The following JMJD1C variants were observed in gnomAD, a reference collection of about 807,000 sequenced individuals.
JMJD1C encodes the protein jumonji domain containing 1C.
Under a neutral mutation model 245.3 loss-of-function variants are expected in JMJD1C, and 31 were observed. That is an observed-to-expected ratio of 0.13 (90% CI 0.09 to 0.17). The LOEUF (loss-of-function observed/expected upper bound fraction) is 0.17, where lower values mean the gene tolerates loss of function less well. Ranked by LOEUF, JMJD1C falls within the 10% of genes least tolerant of loss-of-function variation. The pLI, the probability that JMJD1C is intolerant of heterozygous loss-of-function variation, is 1.00. For synonymous variants in JMJD1C, 1,057 were observed against 1,017.4 expected (o/e 1.04, Z -0.74); for missense variants, 2,691 against 3,000.2 (o/e 0.90, Z 2.41).
intron 2 of JMJD1C, among the ~76,000 whole-genome samples, chr10:63,279,462 T>A (rs539109134): frequency 6.6e-6 from 1 of 152,216 alleles, no homozygotes; most frequent in East Asian, 1.9e-4. Context: ...ACTACTCAAG[T>A]AGAATGTACA....
chr10:63,347,814 G>A (rs1016361806), intron 2 of JMJD1C, among the ~76,000 whole-genome samples: 1 of 151,660 alleles, frequency 6.6e-6, no homozygotes, highest in African/African-American at 2.4e-5. Flanking sequence ...CTCCGGCGGC[G>A]GAGGCAGGAG....
At chr10:63,303,751 A>C (rs758711329) in intron 2 of JMJD1C, among the ~76,000 whole-genome samples, 10 of 152,202 alleles carry the variant, frequency 6.6e-5, no homozygotes, top group Non-Finnish European at 1.2e-4. Flanking sequence ...ATAGCATACA[A>C]ACTATTTGGA....
chr10:63,244,816 A>C (rs1302806257), intron 3 of JMJD1C, among the ~76,000 whole-genome samples: 1 of 97,658 alleles, frequency 1.0e-5, no homozygotes, highest in Non-Finnish European at 1.9e-5. Context: ...CTTAAAAAAA[A>C]AGGGGGGGGG....
intron 24 of JMJD1C, among the ~76,000 whole-genome samples, chr10:63,171,449 TC>T (rs1163228105): frequency 6.6e-6 from 1 of 152,232 alleles, no homozygotes. Flanking sequence ...GACAGCCCAC[TC>T]TTCTCAGTTT....
In JMJD1C at chr10:63,391,240, G is replaced by A. The variant is rs138683037; in HGVS notation, c.169-10758C>T. The stretch of plus-strand genomic sequence containing the variant: ...CATATCAAGAAGGTGGCCAGGCGTG[G>A]TGGCTGATGCCTGTAATCCCAGCAC... On this transcript the variant is annotated intron_variant, in intron 1 of 25. Transcript: ENST00000399262. Among the ~76,000 whole-genome samples, 488 of 152,306 alleles carry A rather than the reference G, an allele frequency of 3.2e-3. 2 individuals are homozygous for A. Among genetic ancestry groups the A allele is most frequent in the African/African-American group, 0.011 (473 of 41,548 alleles).
chr10:63,203,311 C>T lies in JMJD1C; in HGVS notation c.5075-2634G>A, dbSNP rs536413836. On this transcript the variant is annotated intron_variant, in intron 10 of 25. Coordinates refer to ENST00000399262, the MANE Select transcript of JMJD1C (RefSeq NM_032776.3). ...AAAACCTAGAAGTTTGAGATTAAGA[C>T]ACTTAGTCAACAAAAAAATACCTAA... The T allele has an allele frequency of 1.5e-5, 15 of 982,724 alleles. No individual in the cohort carries two copies. The African/African-American group carries it at 1.9e-4, about 13-fold the overall frequency. 60.9% of individuals were successfully genotyped at this position (982,724 alleles called of 1,614,324 possible). A position where few individuals can be genotyped will look rare whatever the true frequency, so the allele number is the denominator to read the frequency against.
At chr10:63,401,646 C>A (rs1445123147) in intron 1 of JMJD1C, among the ~76,000 whole-genome samples, 1 of 152,142 alleles carries the variant, frequency 6.6e-6, no homozygotes, top group African/African-American at 2.4e-5. Flanking sequence ...ACCACGTACA[C>A]TTGAAAAGAG....
chr10:63,396,030 T>A (rs932485392), intron 1 of JMJD1C, among the ~76,000 whole-genome samples: 3 of 152,186 alleles, frequency 2.0e-5, no homozygotes, highest in African/African-American at 7.2e-5. Flanking sequence ...AAGACTGCAT[T>A]TGTCCTAATT....
At chr10:63,304,266 A>G (rs1937691171) in intron 2 of JMJD1C, among the ~76,000 whole-genome samples, 1 of 152,232 alleles carries the variant, frequency 6.6e-6, no homozygotes, top group African/African-American at 2.4e-5. Context: ...CAGAAATGCA[A>G]GCAAAATAAC....
At chr10:63,173,611 ACTC>A in intron 24 of JMJD1C, among the ~76,000 whole-genome samples, 1 of 152,256 alleles carries the variant, frequency 6.6e-6, no homozygotes, top group East Asian at 1.9e-4. Context: ...AGTACTAGCT[ACTC>A]AGGAGGGTGT....
chr10:63,495,168 G>A (rs1954316592), intron 1 of JMJD1C, among the ~76,000 whole-genome samples: 1 of 151,638 alleles, frequency 6.6e-6, no homozygotes, highest in Non-Finnish European at 1.5e-5. Context: ...AAAGAATGTG[G>A]TCTCTACATA....
chr10:63,192,742 C>A (rs1844985762), intron 16 of JMJD1C, among the ~76,000 whole-genome samples, 196 bp downstream of exon 16: 2 of 151,888 alleles, frequency 1.3e-5, no homozygotes, highest in South Asian at 4.1e-4. Flanking sequence ...AAAACAAAAA[C>A]AACAAAAAAA....
chr10:63,354,957 A>G (rs1944709110), intron 2 of JMJD1C, among the ~76,000 whole-genome samples: 1 of 151,884 alleles, frequency 6.6e-6, no homozygotes, highest in African/African-American at 2.4e-5. Flanking sequence ...TAGGGAGTGG[A>G]AGTTGCAGTG....
At position 63,214,070 on chromosome 10, in the gene JMJD1C, T is replaced by C. The variant is rs1172230193; in HGVS notation, c.2097A>G (p.Thr699=). The change falls in exon 8 of 26, where the codon ACA becomes ACG. Residue 699 remains threonine, a synonymous_variant. Coordinates refer to ENST00000399262, the MANE Select transcript of JMJD1C (RefSeq NM_032776.3). ...TTTTATCAATGATAAGAGGACTCTTTGTAGTTTCTAATGTACTGCTTCGAG... is the reference window on the plus strand; with the variant it reads ...TTTTATCAATGATAAGAGGACTCTTCGTAGTTTCTAATGTACTGCTTCGAG... The part of the protein sequence containing the change: ...IPTRSSTLET[T]KSPLIIDKNE... 5 of 1,614,152 alleles carry C rather than the reference T, an allele frequency of 3.1e-6. No individual in the cohort carries two copies. Among genetic ancestry groups the C allele is most frequent in the Admixed American group, 3.3e-5 (2 of 60,026 alleles).
At chr10:63,293,746 G>C (rs58429288) in intron 2 of JMJD1C, among the ~76,000 whole-genome samples, 5,587 of 151,774 alleles carry the variant, frequency 0.037, 331 homozygotes, top group East Asian at 0.29. Context: ...TTTCTCCTTT[G>C]ACTTTGAAAA....
At chr10:63,383,516 C>A (rs1001528732) in intron 1 of JMJD1C, among the ~76,000 whole-genome samples, 1 of 152,114 alleles carries the variant, frequency 6.6e-6, no homozygotes, top group Non-Finnish European at 1.5e-5. Context: ...TTAGGCAACA[C>A]AGTAAGACCT....
At chr10:63,477,398 AT>A (rs1953696064) in intron 1 of JMJD1C, among the ~76,000 whole-genome samples, 1 of 116 alleles carries the variant, frequency 8.6e-3, no homozygotes, top group African/African-American at 9.3e-3. Flanking sequence ...AAAAAGATAG[AT>A]ATACATAGAT....
chr10:63,374,928 T>C (rs1054977352), intron 2 of JMJD1C, among the ~76,000 whole-genome samples: 4 of 152,170 alleles, frequency 2.6e-5, no homozygotes, highest in East Asian at 1.9e-4. Flanking sequence ...GTGAAGTCTT[T>C]ATGGTTTTCT....
chr10:63,360,589 C>A (rs1945241651), intron 2 of JMJD1C, among the ~76,000 whole-genome samples: 1 of 151,822 alleles, frequency 6.6e-6, no homozygotes, highest in Admixed American at 6.6e-5. Context: ...AATGAAAATC[C>A]AACACAAACA....
Sources: allele counts gnomAD v4.1 joint callset (sites outside exome capture counted in the v4.1 genomes callset), GRCh38; gene constraint gnomAD v4.1.1; transcripts MANE v1.5; gene names NCBI Gene and HGNC (gene_info 2026-07-23, HGNC 2026-07-21).